The following CYB5R4 variants were observed in gnomAD, a reference collection of about 807,000 sequenced individuals.
CYB5R4 encodes cytochrome b5 reductase 4, also known as N-terminal cytochrome b5 and cytochrome b5 oxidoreductase domain-containing protein.
CYB5R4 carries 55 observed loss-of-function variants against 70.2 expected under a neutral mutation model. The ratio of observed to expected loss-of-function variants is 0.78; its 90% CI spans 0.63 to 0.98. The LOEUF is 0.98. Ranked by LOEUF, CYB5R4 falls within the 50% of genes least tolerant of loss-of-function variation. The probability of loss-of-function intolerance (pLI) is 0.00; values close to 1 mark genes in which losing one functional copy is unlikely to be tolerated. For synonymous variants in CYB5R4, 197 were observed against 199.5 expected, an observed-to-expected ratio of 0.99 and a Z score of 0.11; for missense variants, 562 against 612.6, an observed-to-expected ratio of 0.92 and a Z score of 0.87.
intron 3 of CYB5R4, among the ~76,000 whole-genome samples, chr6:83,903,148 T>C (rs1371825485): frequency 6.6e-6 from 1 of 152,166 alleles, no homozygotes; most frequent in Non-Finnish European, 1.5e-5. Flanking sequence ...TGTTGTTAGC[T>C]GTGGGTTTGT....
At chr6:83,940,823 G>T (rs979481444) in intron 14 of CYB5R4, among the ~76,000 whole-genome samples, 1 of 152,108 alleles carries the variant, frequency 6.6e-6, no homozygotes, top group Non-Finnish European at 1.5e-5. Context: ...TCACTAAGAT[G>T]CATATTGGGC....
intron 9 of CYB5R4, 52 bp downstream of exon 9, chr6:83,922,522 T>G (rs1313784718): frequency 1.6e-6 from 2 of 1,285,268 alleles, no homozygotes; most frequent in Non-Finnish European, 2.2e-6. Context: ...TACACATACC[T>G]ACAGAGAGAG....
At chr6:83,887,825 A>G (rs576887074) in intron 2 of CYB5R4, among the ~76,000 whole-genome samples, 1 of 152,042 alleles carries the variant, frequency 6.6e-6, no homozygotes, top group South Asian at 2.1e-4. Flanking sequence ...GGATGGGTAG[A>G]TGGATGGATA....
At chr6:83,869,316 A>G (rs1215907669) in intron 2 of CYB5R4, among the ~76,000 whole-genome samples, 1 of 152,204 alleles carries the variant, frequency 6.6e-6, no homozygotes, top group Non-Finnish European at 1.5e-5. Context: ...TTTTGTGAAT[A>G]TAGTTGATCC....
chr6:83,894,059 A>G (rs1562832253), intron 3 of CYB5R4, among the ~76,000 whole-genome samples: 2 of 152,222 alleles, frequency 1.3e-5, no homozygotes, highest in South Asian at 4.1e-4. Flanking sequence ...ACTGCTATAT[A>G]CTGAATTTGC....
At chr6:83,862,253 C>T (rs2099456075) in intron 1 of CYB5R4, among the ~76,000 whole-genome samples, 1 of 152,198 alleles carries the variant, frequency 6.6e-6, no homozygotes, top group South Asian at 2.1e-4. Context: ...ACAGAATATG[C>T]ACTCAACATA....
At chr6:83,924,615 G>A (rs747413063) in intron 10 of CYB5R4, 23 bp downstream of exon 10, 36 of 1,604,424 alleles carry the variant, frequency 2.2e-5, no homozygotes, top group East Asian at 1.6e-4. Flanking sequence ...CTTTTGTTAC[G>A]TTAATTTCAC....
rs574574102 is a variant in CYB5R4 at position 83,886,196 on chromosome 6, C to G, written c.230-7326C>G. On this transcript the variant is annotated intron_variant, in intron 2 of 15. Coordinates refer to ENST00000369681, the MANE Select transcript of CYB5R4 (RefSeq NM_016230.4). The stretch of plus-strand genomic sequence containing the variant: ...GGGCTGAGCATGCAAGCTCAGTTCT[C>G]TCTTCCTCTTTTCATAAAGCCACCA... Among the ~76,000 whole-genome samples the G allele has an allele frequency of 5.0e-4, 76 of 152,236 alleles. 1 individual carries two copies. The South Asian group carries it at 0.015, about 31-fold the overall frequency.
intron 2 of CYB5R4, among the ~76,000 whole-genome samples, chr6:83,879,307 G>A (rs1469465346): frequency 2.0e-5 from 3 of 152,112 alleles, no homozygotes; most frequent in African/African-American, 4.8e-5. Context: ...CTCTTTTCCA[G>A]TGTGAGAGTA....
intron 14 of CYB5R4, among the ~76,000 whole-genome samples, chr6:83,954,794 A>G (rs1400008645): frequency 1.3e-5 from 2 of 151,794 alleles, no homozygotes; most frequent in African/African-American, 2.4e-5. Context: ...GGCTGGTGCA[A>G]TCATATCTCA....
At chr6:83,954,203 C>A (rs930102360) in intron 14 of CYB5R4, among the ~76,000 whole-genome samples, 2 of 152,038 alleles carry the variant, frequency 1.3e-5, no homozygotes, top group Non-Finnish European at 2.9e-5. Flanking sequence ...TATAAAAAAT[C>A]TTTCATTAAA....
At chr6:83,918,290 T>C (rs1266943308) in intron 6 of CYB5R4, among the ~76,000 whole-genome samples, 4 of 152,052 alleles carry the variant, frequency 2.6e-5, no homozygotes, top group African/African-American at 4.8e-5. Flanking sequence ...TAAACACCAA[T>C]ACTTTAAAAA....
intron 12 of CYB5R4, among the ~76,000 whole-genome samples, chr6:83,938,835 AT>A (rs34925112): frequency 0.014 from 2,048 of 144,600 alleles, 40 homozygotes; most frequent in African/African-American, 0.041. Context: ...TATTATTATT[AT>A]TTTTTTTTTT....
chr6:83,864,614 G>A (rs1229900177), intron 2 of CYB5R4, among the ~76,000 whole-genome samples: 3 of 152,084 alleles, frequency 2.0e-5, no homozygotes, highest in African/African-American at 4.8e-5. Context: ...AGGCAATATA[G>A]TACAAAATTA....
intron 3 of CYB5R4, among the ~76,000 whole-genome samples, chr6:83,904,120 G>T (rs932540465): frequency 6.6e-6 from 1 of 151,972 alleles, no homozygotes; most frequent in African/African-American, 2.4e-5. Flanking sequence ...GTTCCTTGAG[G>T]TACATTGTTA....
Position 83,864,252 on chromosome 6 carries a change from A to G in CYB5R4, c.153A>G (p.Lys51=). The part of the protein sequence containing the change: ...TKSGKDLTGL[K]GRLIEVTEEE... ...GTGGAAAGGATCTAACGGGATTAAA[A>G]GGCAGGTTAATTGAAGTAACTGAAG... Residue 51 remains lysine (K), a synonymous_variant, in exon 2 of 16, where the codon AAA becomes AAG. Coordinates refer to ENST00000369681, the MANE Select transcript of CYB5R4 (RefSeq NM_016230.4). 1 of 1,613,638 alleles carries G rather than the reference A, an allele frequency of 6.2e-7. No individual in the cohort carries two copies. The highest frequency in any genetic ancestry group is 1.1e-5 in the South Asian group (1 of 91,044).
rs550622010 is a variant in CYB5R4 at position 83,949,712 on chromosome 6, C to T, written c.1347-5586C>T. Among the ~76,000 whole-genome samples the T allele has an allele frequency of 3.5e-4, 54 of 152,198 alleles. 1 individual carries two copies. Among genetic ancestry groups the T allele is most frequent in the African/African-American group, 1.1e-3 (47 of 41,552 alleles). The stretch of plus-strand genomic sequence containing the variant: ...TTTCAGCAAGTGTGCTATGCTTGTC[C>T]GCAGAGTTTATCTAGAGAATATCAT... On this transcript the variant is annotated intron_variant, in intron 14 of 15. Transcript: ENST00000369681.
At chr6:83,888,548 C>G (rs1028404637) in intron 2 of CYB5R4, among the ~76,000 whole-genome samples, 2 of 152,064 alleles carry the variant, frequency 1.3e-5, no homozygotes, top group African/African-American at 4.8e-5. Flanking sequence ...ACAAATCGAG[C>G]CCATATGAGA....
At chr6:83,879,002 A>G (rs1025254350) in intron 2 of CYB5R4, among the ~76,000 whole-genome samples, 7 of 152,092 alleles carry the variant, frequency 4.6e-5, no homozygotes, top group African/African-American at 1.7e-4. Flanking sequence ...TCCAAAAGGC[A>G]GTGCTGTTAC....
Sources: allele counts gnomAD v4.1 joint callset (sites outside exome capture counted in the v4.1 genomes callset), GRCh38; gene constraint gnomAD v4.1.1; transcripts MANE v1.5; gene names NCBI Gene and HGNC (gene_info 2026-07-23, HGNC 2026-07-21).